CDH13: variants seen among roughly 807,000 people sequenced by gnomAD.
CDH13 encodes cadherin 13.
In CDH13, 24 loss-of-function variants were observed where a neutral mutation model predicts 63.8. The ratio of observed to expected loss-of-function variants is 0.38; its 90% confidence interval spans 0.27 to 0.53. The LOEUF (loss-of-function observed/expected upper bound fraction) is 0.53. Ranked by LOEUF, CDH13 falls within the 20% of genes least tolerant of loss-of-function variation. The probability of loss-of-function intolerance (pLI) is 0.85; values close to 1 mark genes in which losing one functional copy is unlikely to be tolerated. For missense variants in CDH13, 1,049 were observed against 903.1 expected (o/e 1.16, Z -2.07); for synonymous variants, 503 against 355.3 (o/e 1.42, Z -4.67).
intron 10 of CDH13, among the ~76,000 whole-genome samples, chr16:83,737,157 C>A (rs1036776454): frequency 2.6e-5 from 4 of 152,148 alleles, no homozygotes; most frequent in African/African-American, 9.7e-5. Flanking sequence ...TGGCCCCACC[C>A]CTTTCCTGCC....
intron 6 of CDH13, among the ~76,000 whole-genome samples, chr16:83,481,588 A>G (rs1243017739): frequency 6.6e-6 from 1 of 152,174 alleles, no homozygotes; most frequent in African/African-American, 2.4e-5. Flanking sequence ...AAGCGATCAC[A>G]CTTGTTAATC....
At chr16:83,194,222 C>T (rs752174798) in intron 4 of CDH13, among the ~76,000 whole-genome samples, 6 of 152,206 alleles carry the variant, frequency 3.9e-5, no homozygotes, top group Non-Finnish European at 4.4e-5. Context: ...CACATAGGGA[C>T]ATGCACCCTG....
intron 6 of CDH13, among the ~76,000 whole-genome samples, chr16:83,416,517 AG>A (rs2071554853): frequency 6.6e-6 from 1 of 152,132 alleles, no homozygotes; most frequent in African/African-American, 2.4e-5. Flanking sequence ...CCCAATATTC[AG>A]TTAATAACAT....
At chr16:83,737,846 T>C (rs752945433) in intron 10 of CDH13, among the ~76,000 whole-genome samples, 6 of 152,114 alleles carry the variant, frequency 3.9e-5, no homozygotes, top group African/African-American at 1.2e-4. Context: ...GAGATCCACA[T>C]TGGAACCACA....
intron 6 of CDH13, among the ~76,000 whole-genome samples, chr16:83,394,516 G>A (rs898027519): frequency 7.9e-5 from 12 of 152,202 alleles, no homozygotes; most frequent in Non-Finnish European, 1.5e-4. Flanking sequence ...AAAGTGAGAA[G>A]GGGAGCAGAA....
intron 2 of CDH13, among the ~76,000 whole-genome samples, chr16:82,901,808 C>T (rs1185229335): frequency 1.3e-5 from 2 of 152,172 alleles, no homozygotes; most frequent in Non-Finnish European, 2.9e-5. Flanking sequence ...AAAGGTCTTG[C>T]CCTCATGGAG....
At chr16:83,472,238 C>A (rs556510690) in intron 6 of CDH13, among the ~76,000 whole-genome samples, 2 of 152,188 alleles carry the variant, frequency 1.3e-5, no homozygotes, top group African/African-American at 4.8e-5. Context: ...GGGACTGAAA[C>A]TGGGGACTCT....
intron 4 of CDH13, among the ~76,000 whole-genome samples, chr16:83,194,145 A>T (rs977745145): frequency 2.0e-5 from 3 of 152,216 alleles, no homozygotes; most frequent in Non-Finnish European, 2.9e-5. Flanking sequence ...TTTCTAAATT[A>T]TATAATAGTG....
At chr16:83,773,869 A>G (rs374780065) in intron 11 of CDH13, among the ~76,000 whole-genome samples, 18 of 152,196 alleles carry the variant, frequency 1.2e-4, no homozygotes, top group African/African-American at 3.9e-4. Flanking sequence ...CCACTACCCC[A>G]CAGAGGCCCA....
intron 6 of CDH13, among the ~76,000 whole-genome samples, chr16:83,449,773 C>G (rs1209594108): frequency 1.3e-5 from 2 of 152,108 alleles, no homozygotes; most frequent in African/African-American, 4.8e-5. Context: ...ACTGCACCTT[C>G]GTTTTGTAAA....
At chr16:83,019,974 T>G (rs1289594073) in intron 2 of CDH13, among the ~76,000 whole-genome samples, 1 of 152,158 alleles carries the variant, frequency 6.6e-6, no homozygotes, top group African/African-American at 2.4e-5. Flanking sequence ...GAAAGTGCTA[T>G]AGGTTTGTTT....
chr16:83,176,420 G>C (rs1182724106), intron 4 of CDH13, among the ~76,000 whole-genome samples: 1 of 146,402 alleles, frequency 6.8e-6, no homozygotes, highest in Non-Finnish European at 1.5e-5. Flanking sequence ...TGAGGCAGGA[G>C]AATTGCTTGA....
chr16:83,624,407 A>C (rs1910094321), intron 8 of CDH13, among the ~76,000 whole-genome samples: 1 of 151,772 alleles, frequency 6.6e-6, no homozygotes, highest in South Asian at 2.1e-4. Flanking sequence ...CGTAGAACAC[A>C]ATTTTTTCAC....
intron 2 of CDH13, among the ~76,000 whole-genome samples, chr16:83,024,109 C>T (rs943771529): frequency 6.6e-6 from 1 of 152,096 alleles, no homozygotes; most frequent in Non-Finnish European, 1.5e-5. Context: ...TGGATGCAGG[C>T]ATGAATTTGT....
rs1484175171 is a variant in CDH13 at position 82,896,942 on chromosome 16, A to G, written c.157+38469A>G. Among the ~76,000 whole-genome samples, 3 of 151,552 alleles carry G rather than the reference A, an allele frequency of 2.0e-5. No homozygotes were observed. The East Asian group carries it at 5.8e-4, about 29-fold the overall frequency. ...ACTACAGGTGCCCGCCATCACGCCC[A>G]GCTAATTTTTTTGTATTTTTAGTAG... On this transcript the variant is annotated intron_variant, in intron 2 of 13. Transcript: ENST00000567109.
At chr16:83,200,258 C>T (rs1166498978) in intron 4 of CDH13, among the ~76,000 whole-genome samples, 1 of 152,154 alleles carries the variant, frequency 6.6e-6, no homozygotes, top group African/African-American at 2.4e-5. Context: ...CACCGTCGGC[C>T]AAGTTTTCAA....
At chr16:83,792,282 C>T (rs562431428) in intron 13 of CDH13, among the ~76,000 whole-genome samples, 4 of 152,286 alleles carry the variant, frequency 2.6e-5, no homozygotes, top group African/African-American at 7.2e-5. Flanking sequence ...ATGCACCTTG[C>T]GCATGCAAGC....
chr16:82,777,335 G>C (rs2035545620), intron 1 of CDH13, among the ~76,000 whole-genome samples: 1 of 152,198 alleles, frequency 6.6e-6, no homozygotes, highest in Non-Finnish European at 1.5e-5. Context: ...CTTGATGTGA[G>C]TCAGATAGTG....
intron 3 of CDH13, among the ~76,000 whole-genome samples, chr16:83,123,641 A>G (rs1424286556): frequency 1.3e-5 from 2 of 152,004 alleles, no homozygotes; most frequent in Admixed American, 1.3e-4. Context: ...TGTCTTTGCT[A>G]TTGTGAATAG....
Sources: allele counts gnomAD v4.1 joint callset (sites outside exome capture counted in the v4.1 genomes callset), GRCh38; gene constraint gnomAD v4.1.1; transcripts MANE v1.5; gene names NCBI Gene and HGNC (gene_info 2026-07-23, HGNC 2026-07-21).